The following TENM2 variants were observed in gnomAD, a reference collection of about 807,000 sequenced individuals.
The protein encoded by TENM2 is teneurin-2.
TENM2 carries 52 observed loss-of-function variants against 245.2 expected under a neutral mutation model. The ratio of observed to expected loss-of-function variants is 0.21; its 90% CI spans 0.17 to 0.27. The LOEUF (loss-of-function observed/expected upper bound fraction) is 0.27, where lower values mean the gene tolerates loss of function less well. Ranked by LOEUF, TENM2 falls within the 10% of genes least tolerant of loss-of-function variation. The probability of loss-of-function intolerance (pLI) is 1.00; values close to 1 mark genes in which losing one functional copy is unlikely to be tolerated. For missense variants in TENM2, 3,046 were observed against 3,666.8 expected (o/e 0.83, Z 4.37); for synonymous variants, 1,363 against 1,438.9 (o/e 0.95, Z 1.19).
the TENM2 span, among the ~76,000 whole-genome samples, chr5:166,990,914 G>A: frequency 6.6e-6 from 1 of 152,130 alleles, no homozygotes; most frequent in Non-Finnish European, 1.5e-5. Context: ...GTAAAAGTCT[G>A]AAAATTGGAT....
At chr5:167,533,250 G>A (rs1405651355) in intron 2 of TENM2, among the ~76,000 whole-genome samples, 1 of 152,102 alleles carries the variant, frequency 6.6e-6, no homozygotes, top group African/African-American at 2.4e-5. Flanking sequence ...TTCGGGTGAG[G>A]AAATGGATAA....
At chr5:168,024,291 G>A (rs750692471) in intron 5 of TENM2, among the ~76,000 whole-genome samples, 2 of 152,146 alleles carry the variant, frequency 1.3e-5, no homozygotes, top group Non-Finnish European at 2.9e-5. Context: ...GGGGTAATTG[G>A]AGCTCCTGCG....
intron 2 of TENM2, among the ~76,000 whole-genome samples, chr5:167,463,614 T>C (rs972025259): frequency 6.6e-6 from 1 of 152,086 alleles, no homozygotes; most frequent in African/African-American, 2.4e-5. Flanking sequence ...TTCTCCTGCC[T>C]CAGCCTCCCG....
intron 22 of TENM2, among the ~76,000 whole-genome samples, chr5:168,217,862 G>A (rs1234154417): frequency 6.6e-6 from 1 of 152,186 alleles, no homozygotes; most frequent in Non-Finnish European, 1.5e-5. Context: ...GAGCTGAGAA[G>A]CAGCATCATA....
At chr5:167,109,010 A>G in the TENM2 span, among the ~76,000 whole-genome samples, 53 of 152,336 alleles carry the variant, frequency 3.5e-4, no homozygotes, top group East Asian at 9.7e-3. Context: ...GATTTTGTAC[A>G]GAAGGGTTTT....
At position 167,703,530 on chromosome 5, in the gene TENM2, C is replaced by CAAAAAAAAAAA. The variant is rs747603141; in HGVS notation, c.503-172449_503-172439dup. Reference sequence around the variant, plus strand: ...CTGGGTGACAAGAGTGAAACCATCTCAAAAAAAAAAAAAAAAAGGCTACAT... The same window carrying CAAAAAAAAAAA: ...CTGGGTGACAAGAGTGAAACCATCTCAAAAAAAAAAAAAAAAAAAAAAAAAAAAGGCTACAT... On this transcript the variant is annotated intron_variant, in intron 2 of 28. Transcript: ENST00000518659. Among the ~76,000 whole-genome samples the CAAAAAAAAAAA allele has an allele frequency of 2.3e-3, 219 of 97,102 alleles. 2 individuals carry two copies. Among genetic ancestry groups the CAAAAAAAAAAA allele is most frequent in the African/African-American group, 6.7e-3 (208 of 31,006 alleles). The allele number at this position is 97,102 out of a possible 152,430, so 63.7% of individuals were successfully genotyped here. A position where few individuals can be genotyped will look rare whatever the true frequency, so the allele number is the denominator to read the frequency against.
At chr5:168,058,545 A>G (rs544121992) in intron 6 of TENM2, among the ~76,000 whole-genome samples, 1 of 152,190 alleles carries the variant, frequency 6.6e-6, no homozygotes, top group South Asian at 2.1e-4. Flanking sequence ...ATTGTAAAGG[A>G]AAGTAGAACT....
chr5:167,602,450 G>A (rs1433799781), intron 2 of TENM2, among the ~76,000 whole-genome samples: 2 of 152,100 alleles, frequency 1.3e-5, no homozygotes, highest in Non-Finnish European at 2.9e-5. Flanking sequence ...TATTGATGAG[G>A]ACAGAGCAAA....
the TENM2 span, among the ~76,000 whole-genome samples, chr5:167,188,932 TG>T: frequency 6.6e-6 from 1 of 152,306 alleles, no homozygotes; most frequent in East Asian, 1.9e-4. Flanking sequence ...TACATTTTTG[TG>T]GATTAAACTG....
chr5:168,245,072 T>C (rs1766429668), intron 26 of TENM2, among the ~76,000 whole-genome samples: 1 of 152,146 alleles, frequency 6.6e-6, no homozygotes, highest in African/African-American at 2.4e-5. Flanking sequence ...TGACCATTTC[T>C]GCTGCTCTTG....
At chr5:167,296,511 A>G (rs2127728022) in intron 1 of TENM2, 1 of 152,254 alleles carries the variant, frequency 6.6e-6, no homozygotes, top group South Asian at 2.1e-4. Context: ...CAACTGGAGC[A>G]TTGATGGAAG....
At chr5:167,328,694 T>C (rs549549564) in intron 1 of TENM2, among the ~76,000 whole-genome samples, 1 of 152,326 alleles carries the variant, frequency 6.6e-6, no homozygotes, top group Non-Finnish European at 1.5e-5. Flanking sequence ...GAATGCTCAT[T>C]CCCTAGATAG....
intron 2 of TENM2, among the ~76,000 whole-genome samples, chr5:167,539,106 A>T (rs1463993970): frequency 6.6e-6 from 1 of 152,178 alleles, no homozygotes; most frequent in African/African-American, 2.4e-5. Flanking sequence ...TTGTGATATG[A>T]CCAGCATTCA....
chr5:167,211,250 G>T, the TENM2 span, among the ~76,000 whole-genome samples: 1 of 152,124 alleles, frequency 6.6e-6, no homozygotes, highest in Non-Finnish European at 1.5e-5. Context: ...CCGTCAACCT[G>T]CTAAGGTTTT....
chr5:167,908,328 C>T (rs6870857), intron 3 of TENM2, among the ~76,000 whole-genome samples: 1,232 of 122,474 alleles, frequency 0.01, 28 homozygotes, highest in African/African-American at 0.034. Context: ...CTCTCCCCTC[C>T]TCTCCTCTCC....
At chr5:167,656,883 CATGTA>C (rs894397441) in intron 2 of TENM2, among the ~76,000 whole-genome samples, 3 of 150,856 alleles carry the variant, frequency 2.0e-5, no homozygotes, top group East Asian at 3.9e-4. Flanking sequence ...TATTTTGACA[CATGTA>C]ATGTATAGTG....
At chr5:167,481,203 A>C (rs944914267) in intron 2 of TENM2, among the ~76,000 whole-genome samples, 1 of 152,218 alleles carries the variant, frequency 6.6e-6, no homozygotes, top group Non-Finnish European at 1.5e-5. Flanking sequence ...TGAAGTTTAC[A>C]AGAGATGTGT....
the TENM2 span, among the ~76,000 whole-genome samples, chr5:167,129,881 C>T: frequency 3.9e-5 from 6 of 152,058 alleles, no homozygotes; most frequent in Non-Finnish European, 8.8e-5. Flanking sequence ...ATATTCATCA[C>T]CAACAAAATA....
exon 10 of TENM2, chr5:168,118,356 C>T (rs777151290): frequency 1.2e-5 from 20 of 1,610,774 alleles, no homozygotes; most frequent in East Asian, 6.7e-5. Context: ...AGTGCTACAG[C>T]GGCTGGAAAG....
Sources: allele counts gnomAD v4.1 joint callset (sites outside exome capture counted in the v4.1 genomes callset), GRCh38; gene constraint gnomAD v4.1.1; transcripts MANE v1.5; gene names NCBI Gene and HGNC (gene_info 2026-07-23, HGNC 2026-07-21).